The following TMEM222 variants were observed in gnomAD, a reference collection of about 807,000 sequenced individuals.
TMEM222 encodes the protein chromosome 1 open reading frame 160.
A neutral mutation model predicts 25.1 loss-of-function variants in TMEM222; 18 were observed. That is an observed-to-expected ratio of 0.72 (90% CI 0.50 to 1.06). The LOEUF is 1.06. TMEM222 is among the 50% of genes least tolerant of loss of function. The probability of loss-of-function intolerance (pLI) is 0.00; values close to 1 mark genes in which losing one functional copy is unlikely to be tolerated. For synonymous variants in TMEM222, 131 were observed against 117.9 expected, an observed-to-expected ratio of 1.11 and a Z score of -0.72; for missense variants, 296 against 293.7, an observed-to-expected ratio of 1.01 and a Z score of -0.06.
At position 27,336,092 on chromosome 1, in the gene TMEM222, C is replaced by T. The variant is rs1268956624; in HGVS notation, c.*626C>T. ...CAGTGCCTCCCAGCATTGGACCCAT[C>T]TCCCCCTGCAGTTTGAGGCCAGAGA... On this transcript the variant is annotated 3_prime_UTR_variant, in exon 6 of 6. Transcript: ENST00000374076. 1.3e-5 allele frequency: 2 copies of T among 155,390 alleles called. No individual in the cohort carries two copies. The highest frequency in any genetic ancestry group is 4.8e-5 in the African/African-American group (2 of 41,486). 9.6% of individuals were successfully genotyped at this position (155,390 alleles called of 1,614,324 possible). A position where few individuals can be genotyped will look rare whatever the true frequency, so the allele number is the denominator to read the frequency against.
At chr1:27,326,671 C>T (rs1028002758) in intron 1 of TMEM222, among the ~76,000 whole-genome samples, 9 of 152,174 alleles carry the variant, frequency 5.9e-5, no homozygotes, top group African/African-American at 2.2e-4. Context: ...ACTGTTGTCA[C>T]CATTTTATAG....
intron 5 of TMEM222, 97 bp downstream of exon 5, chr1:27,334,378 G>C: frequency 6.4e-7 from 1 of 1,561,994 alleles, no homozygotes; most frequent in Non-Finnish European, 8.7e-7. Context: ...CAGTCAGCCA[G>C]GACAGTTGGA....
intron 5 of TMEM222, 156 bp from the exon 6 acceptor site, chr1:27,335,222 GC>G (rs1396941665): frequency 4.3e-6 from 3 of 701,822 alleles, no homozygotes; most frequent in Non-Finnish European, 7.5e-6. Context: ...ACCATGCCCA[GC>G]CTGCTTCCTT....
Position 27,334,135 on chromosome 1 carries a change from C to T in TMEM222, c.409-16C>T, listed in dbSNP as rs1289645666. ...CCCCTGCAGCCCATCCTGACCAGCC[C>T]TTCTGGTGCCTCCAGCACAATCTCT... On this transcript the variant is annotated splice_polypyrimidine_tract_variant and intron_variant, in intron 4 of 5. Coordinates refer to ENST00000374076, the MANE Select transcript of TMEM222 (RefSeq NM_032125.3). The T allele has an allele frequency of 2.0e-5, 33 of 1,614,022 alleles. No homozygotes were observed. Among genetic ancestry groups the T allele is most frequent in the Non-Finnish European group, 2.6e-5 (31 of 1,180,030 alleles).
chr1:27,335,126 C>G, intron 5 of TMEM222: 1 of 559,430 alleles, frequency 1.8e-6, no homozygotes, highest in East Asian at 3.0e-5. Flanking sequence ...GTTTCCTGTT[C>G]CCAACCAGCG....
At chr1:27,332,026 C>T in intron 2 of TMEM222, 44 bp from the exon 3 acceptor site, 1 of 1,613,632 alleles carries the variant, frequency 6.2e-7, no homozygotes, top group Non-Finnish European at 8.5e-7. Flanking sequence ...TCATCTGGCC[C>T]AAATGTAAGT....
At chr1:27,326,376 C>T (rs1391202951) in intron 1 of TMEM222, among the ~76,000 whole-genome samples, 1 of 152,070 alleles carries the variant, frequency 6.6e-6, no homozygotes, top group Non-Finnish European at 1.5e-5. Context: ...ATGTATTCAT[C>T]CTTTTAATTT....
intron 1 of TMEM222, among the ~76,000 whole-genome samples, chr1:27,328,002 A>G (rs1379370222): frequency 1.3e-5 from 2 of 152,252 alleles, no homozygotes; most frequent in Non-Finnish European, 2.9e-5. Flanking sequence ...CGTAGTAAAC[A>G]AGAAAAAATC....
At chr1:27,328,890 T>C (rs759578110) in intron 1 of TMEM222, among the ~76,000 whole-genome samples, 20 of 152,178 alleles carry the variant, frequency 1.3e-4, no homozygotes, top group Non-Finnish European at 2.4e-4. Context: ...CCAGGCAGCA[T>C]TGAGGCCAGG....
chr1:27,323,941 C>T (rs909886432), intron 1 of TMEM222, among the ~76,000 whole-genome samples: 1 of 152,114 alleles, frequency 6.6e-6, no homozygotes, highest in Non-Finnish European at 1.5e-5. Flanking sequence ...GAGTTTAAGT[C>T]ATAGTGGAAG....
intron 1 of TMEM222, among the ~76,000 whole-genome samples, chr1:27,329,973 A>G (rs993536220): frequency 1.3e-5 from 2 of 152,054 alleles, no homozygotes; most frequent in African/African-American, 4.8e-5. Context: ...ATGGTGGTGC[A>G]CTCCTGTAGT....
intron 5 of TMEM222, 162 bp from the exon 6 acceptor site, chr1:27,335,217 G>A (rs1256937861): frequency 1.9e-5 from 13 of 684,920 alleles, no homozygotes; most frequent in Non-Finnish European, 2.8e-5. Flanking sequence ...GGGCAACCAT[G>A]CCCAGCCTGC....
intron 2 of TMEM222, among the ~76,000 whole-genome samples, chr1:27,331,437 T>A (rs1445875171): frequency 6.6e-6 from 1 of 152,194 alleles, no homozygotes; most frequent in African/African-American, 2.4e-5. Flanking sequence ...TTCACATCCA[T>A]TACTTTATCA....
chr1:27,332,339 T>C (rs529835696), intron 3 of TMEM222: 17 of 713,368 alleles, frequency 2.4e-5, no homozygotes, highest in Admixed American at 1.4e-4. Context: ...GCTCTTCAGG[T>C]TTGTATTTTC....
chr1:27,334,606 A>T, intron 5 of TMEM222: 1 of 1,444,644 alleles, frequency 6.9e-7, no homozygotes, highest in South Asian at 1.4e-5. Context: ...GGAGGCTTCT[A>T]CGGATCCCTG....
chr1:27,332,625 T>G (rs2014508571), intron 3 of TMEM222: 3 of 669,078 alleles, frequency 4.5e-6, no homozygotes, highest in Non-Finnish European at 5.5e-6. Flanking sequence ...GGTGCCCACC[T>G]CAGCTGTGGG....
At chr1:27,333,858 C>T (rs1475006851) in intron 3 of TMEM222, 100 bp from the exon 4 acceptor site, 1 of 1,067,414 alleles carries the variant, frequency 9.4e-7, no homozygotes. Context: ...ATCTCAGCAC[C>T]CAGCTCAGGC....
In TMEM222 at chr1:27,332,098, C is replaced by T. The variant is rs139728654; in HGVS notation, c.308C>T (p.Ala103Val). The change falls in exon 3 of 6, where the codon GCC (alanine) becomes GTC (valine). Residue 103 changes from alanine (A) to valine (V), a missense_variant. Ala to Val is a moderately conservative substitution (Grantham distance 64). Coordinates refer to ENST00000374076, the MANE Select transcript of TMEM222 (RefSeq NM_032125.3). ...GACAACATGGCCTTTGGAAAGCCTG[C>T]CAAGTAAGTGATGAACACCCATGTG... is the stretch of plus-strand genomic sequence containing the variant. ...SEDNMAFGKP[A>V]KYWKLDPAQV... The T allele has an allele frequency of 3.7e-6, 6 of 1,614,266 alleles. No individual in the cohort carries two copies. The highest frequency in any genetic ancestry group is 2.2e-5 in the South Asian group (2 of 91,092).
At chr1:27,327,314 AC>A (rs975195483) in intron 1 of TMEM222, among the ~76,000 whole-genome samples, 3 of 152,176 alleles carry the variant, frequency 2.0e-5, no homozygotes, top group African/African-American at 7.2e-5. Flanking sequence ...CTTGCCCAGA[AC>A]AAAGGCAAGC....
Sources: allele counts gnomAD v4.1 joint callset (sites outside exome capture counted in the v4.1 genomes callset), GRCh38; gene constraint gnomAD v4.1.1; transcripts MANE v1.5; gene names NCBI Gene and HGNC (gene_info 2026-07-23, HGNC 2026-07-21).